The following TAFA1 variants were observed in gnomAD, a reference collection of about 807,000 sequenced individuals.
The protein encoded by TAFA1 is chemokine-like protein TAFA-1.
Under a neutral mutation model 18.5 loss-of-function variants are expected in TAFA1, and 4 were observed. The observed-to-expected ratio is 0.22, with a 90% CI of 0.11 to 0.49. The LOEUF is 0.49. TAFA1 is among the 20% of genes least tolerant of loss of function. The probability of loss-of-function intolerance (pLI) is 0.98; values close to 1 mark genes in which losing one functional copy is unlikely to be tolerated. For synonymous variants in TAFA1, 56 were observed against 55.2 expected, an observed-to-expected ratio of 1.01 and a Z score of -0.06; for missense variants, 147 against 169.0, an observed-to-expected ratio of 0.87 and a Z score of 0.72.
chr3:68,406,998 A>T (rs1216713779), intron 2 of TAFA1, among the ~76,000 whole-genome samples: 2 of 152,158 alleles, frequency 1.3e-5, no homozygotes, highest in Non-Finnish European at 2.9e-5. Flanking sequence ...GAAGAAATCT[A>T]GTGGGTGGGT....
At chr3:68,221,336 AT>A (rs1342209765) in intron 2 of TAFA1, among the ~76,000 whole-genome samples, 1 of 151,234 alleles carries the variant, frequency 6.6e-6, no homozygotes, top group African/African-American at 2.4e-5. Flanking sequence ...AAAGGGGGGG[AT>A]GGGTTTGCCC....
chr3:68,394,997 C>G (rs1476791819), intron 2 of TAFA1, among the ~76,000 whole-genome samples: 1 of 152,088 alleles, frequency 6.6e-6, no homozygotes, highest in Non-Finnish European at 1.5e-5. Context: ...AAACTATCAT[C>G]TGAGTGAACA....
At chr3:68,249,116 A>T (rs1475589843) in intron 2 of TAFA1, among the ~76,000 whole-genome samples, 1 of 152,146 alleles carries the variant, frequency 6.6e-6, no homozygotes, top group Non-Finnish European at 1.5e-5. Flanking sequence ...ACCCACACAC[A>T]GGCCACCTGC....
chr3:68,421,996 C>G (rs994083073), intron 3 of TAFA1, among the ~76,000 whole-genome samples: 1 of 152,034 alleles, frequency 6.6e-6, no homozygotes, highest in Non-Finnish European at 1.5e-5. Flanking sequence ...AGAGATACAT[C>G]CATGCACTAA....
At position 68,198,021 on chromosome 3, in the gene TAFA1, A is replaced by G. The variant is rs142180292; in HGVS notation, c.118+191277A>G. 4.6e-5 allele frequency among the ~76,000 whole-genome samples: 7 copies of G among 151,824 alleles called. 1 individual carries two copies. Among genetic ancestry groups the G allele is most frequent in the Non-Finnish European group, 8.9e-5 (6 of 67,764 alleles). On this transcript the variant is annotated intron_variant, in intron 2 of 4. Coordinates refer to ENST00000478136, the MANE Select transcript of TAFA1 (RefSeq NM_213609.4). ...ACCATGTAAAAGTTGTTCAATAAAT[A>G]CTCATTTAATGAATGAATGAATTGG...
At position 68,261,643 on chromosome 3, in the gene TAFA1, A is replaced by C. The variant is rs180843985; in HGVS notation, c.119-155637A>C. On this transcript the variant is annotated intron_variant, in intron 2 of 4. Transcript: ENST00000478136. ...GGCATAGATGAAACTGGAGACCATCATTCTCAGCAAACTATCACAAGGACA... is the reference window on the plus strand; with the variant it reads ...GGCATAGATGAAACTGGAGACCATCCTTCTCAGCAAACTATCACAAGGACA... 4.6e-5 allele frequency among the ~76,000 whole-genome samples: 7 copies of C among 152,292 alleles called. No homozygotes were observed. In the East Asian group the frequency reaches 1.4e-3, roughly 29 times the overall value.
chr3:68,087,326 CAGTT>C (rs1409418759), intron 2 of TAFA1, among the ~76,000 whole-genome samples: 5 of 152,112 alleles, frequency 3.3e-5, no homozygotes, highest in South Asian at 4.2e-4. Flanking sequence ...TTTTCACTCT[CAGTT>C]AGAGGACATG....
chr3:68,499,492 C>A (rs1180708278), intron 3 of TAFA1, among the ~76,000 whole-genome samples: 2 of 103,230 alleles, frequency 1.9e-5, no homozygotes, highest in African/African-American at 7.4e-5. Context: ...ACTAAAATTT[C>A]TGAATTCACG....
At chr3:68,524,487 A>G (rs1202079233) in intron 3 of TAFA1, among the ~76,000 whole-genome samples, 1 of 152,160 alleles carries the variant, frequency 6.6e-6, no homozygotes, top group African/African-American at 2.4e-5. Context: ...GAAATTTAGT[A>G]TTACCTGACA....
chr3:68,295,790 T>C (rs2068196985), intron 2 of TAFA1, among the ~76,000 whole-genome samples: 1 of 152,088 alleles, frequency 6.6e-6, no homozygotes, highest in Admixed American at 6.6e-5. Context: ...TTCTATTTTT[T>C]GTAGAGACAG....
At chr3:68,249,110 A>C (rs563223995) in intron 2 of TAFA1, among the ~76,000 whole-genome samples, 9 of 152,248 alleles carry the variant, frequency 5.9e-5, no homozygotes, top group Admixed American at 3.9e-4. Context: ...CAGATCACCC[A>C]CACACAGGCC....
chr3:68,075,460 A>G (rs916899846), intron 2 of TAFA1, among the ~76,000 whole-genome samples: 1 of 152,220 alleles, frequency 6.6e-6, no homozygotes, highest in South Asian at 2.1e-4. Flanking sequence ...TGGAATTATA[A>G]TGAATTGCTT....
intron 2 of TAFA1, among the ~76,000 whole-genome samples, chr3:68,160,371 T>C (rs746980658): frequency 6.6e-6 from 1 of 152,320 alleles, no homozygotes; most frequent in Middle Eastern, 3.4e-3. Context: ...TGTGTTTCAA[T>C]AAAACTTTAT....
chr3:68,334,287 A>C (rs1350145802), intron 2 of TAFA1, among the ~76,000 whole-genome samples: 3 of 152,184 alleles, frequency 2.0e-5, no homozygotes, highest in Non-Finnish European at 2.9e-5. Flanking sequence ...TCATTCTTCA[A>C]GATAGGAACA....
At chr3:68,122,281 T>C (rs2065409110) in intron 2 of TAFA1, among the ~76,000 whole-genome samples, 1 of 152,286 alleles carries the variant, frequency 6.6e-6, no homozygotes, top group East Asian at 1.9e-4. Context: ...TGGCCAGCAT[T>C]TCATGTTCCC....
intron 3 of TAFA1, among the ~76,000 whole-genome samples, chr3:68,477,975 C>A (rs2072136289): frequency 1.3e-5 from 2 of 152,240 alleles, no homozygotes; most frequent in South Asian, 4.1e-4. Flanking sequence ...GGAAATCATT[C>A]CCCTATTCAT....
intron 2 of TAFA1, among the ~76,000 whole-genome samples, chr3:68,134,237 T>C (rs979606146): frequency 2.0e-5 from 3 of 152,102 alleles, no homozygotes; most frequent in African/African-American, 4.8e-5. Context: ...ATGGATTCAA[T>C]GTTCTGAAGG....
At chr3:68,391,585 A>G (rs748993265) in intron 2 of TAFA1, among the ~76,000 whole-genome samples, 3 of 152,204 alleles carry the variant, frequency 2.0e-5, no homozygotes, top group Non-Finnish European at 4.4e-5. Flanking sequence ...GAAATGAAGG[A>G]AAAAATGTTA....
chr3:68,070,173 A>G (rs1210169654), intron 2 of TAFA1, among the ~76,000 whole-genome samples: 1 of 152,222 alleles, frequency 6.6e-6, no homozygotes, highest in Non-Finnish European at 1.5e-5. Flanking sequence ...CCACCCTTAC[A>G]GCAAACTTCT....
Sources: gnomAD v4.1 joint callset for allele counts (sites outside exome capture counted in the v4.1 genomes callset) on GRCh38, gnomAD v4.1.1 for gene constraint, MANE v1.5 for transcripts, NCBI Gene and HGNC (gene_info 2026-07-23, HGNC 2026-07-21) for gene names.